CIB1: variants seen among roughly 807,000 people sequenced by gnomAD.
CIB1 encodes calcium and integrin-binding protein 1.
In CIB1, 19 loss-of-function variants were observed where a neutral mutation model predicts 25.0. The ratio of observed to expected loss-of-function variants is 0.76; its 90% CI spans 0.53 to 1.12. CIB1 has a LOEUF of 1.12. CIB1 is among the 50% of genes most tolerant of loss of function. The pLI is 0.00. For synonymous variants in CIB1, 104 were observed against 98.5 expected, an observed-to-expected ratio of 1.06 and a Z score of -0.33; for missense variants, 236 against 242.6, an observed-to-expected ratio of 0.97 and a Z score of 0.18.
chr15:90,251,519 C>A, the CIB1 span: 11 of 1,599,158 alleles, frequency 6.9e-6, no homozygotes, highest in South Asian at 1.1e-5. Flanking sequence ...CCTTCCCTCC[C>A]ACTCTTCCTG....
the CIB1 span, chr15:90,261,902 G>T: frequency 1.0e-6 from 1 of 994,366 alleles, no homozygotes; most frequent in Non-Finnish European, 1.4e-6. Flanking sequence ...GGCCCAGGAG[G>T]TCAAGAAGCC....
At chr15:90,258,081 A>G in the CIB1 span, 5 of 1,614,230 alleles carry the variant, frequency 3.1e-6, no homozygotes, top group African/African-American at 1.3e-5. Context: ...GCACAGCTAC[A>G]ACCCTGGAGA....
chr15:90,257,882 C>T, the CIB1 span: 1 of 936,892 alleles, frequency 1.1e-6, no homozygotes. Context: ...TAAGTGCAGC[C>T]CCAAACCTCA....
the CIB1 span, chr15:90,263,410 G>T: frequency 4.1e-6 from 2 of 488,554 alleles, no homozygotes; most frequent in African/African-American, 1.9e-5. Context: ...CTATATTCCT[G>T]TCCCAAAATA....
At chr15:90,261,870 C>G in the CIB1 span, 2,669 of 650,706 alleles carry the variant, frequency 4.1e-3, 16 homozygotes, top group Middle Eastern at 0.015. Context: ...ATGGGCTTGG[C>G]AGCTTTCCCT....
At chr15:90,255,675 C>T in the CIB1 span, 1 of 1,596,312 alleles carries the variant, frequency 6.3e-7, no homozygotes, top group Admixed American at 1.7e-5. Flanking sequence ...TCCCAATCCT[C>T]CTCCACTGCT....
intron 4 of CIB1, 32 bp from the exon 5 acceptor site, chr15:90,231,245 CGGTT>C (rs1567068595): frequency 1.2e-6 from 2 of 1,612,060 alleles, no homozygotes; most frequent in African/African-American, 1.3e-5. Context: ...CCAAAAGACA[CGGTT>C]GGGAGGGGCT....
chr15:90,231,419 A>G lies in CIB1; in HGVS notation c.284T>C (p.Leu95Pro), dbSNP rs766485187. 41 of 1,614,196 alleles carry G rather than the reference A, an allele frequency of 2.5e-5. No individual in the cohort carries two copies. The highest frequency in any genetic ancestry group is 3.5e-5 in the Non-Finnish European group (41 of 1,180,030). Residue 95 changes from leucine to proline, a missense_variant, in exon 4 of 7, where the codon CTC (leucine) becomes CCC (proline). Physicochemically the swap from Leu to Pro is moderately conservative, Grantham distance 98. Coordinates refer to ENST00000328649, the MANE Select transcript of CIB1 (RefSeq NM_006384.4). ...SLSFEDFLDLLSVFSDTATPD... is the reference protein window; with the variant it reads ...SLSFEDFLDLPSVFSDTATPD... ...CGTGGCTGTGTCACTGAACACACTG[A>G]GGAGATCCAGGAAGTCCTCAAAGCT...
upstream of CIB1, among the ~76,000 whole-genome samples, chr15:90,236,941 C>T (rs1596175929): frequency 2.0e-5 from 3 of 151,728 alleles, no homozygotes; most frequent in South Asian, 6.2e-4. Flanking sequence ...AACCGAGCTG[C>T]TGATATACTT....
the CIB1 span, chr15:90,253,383 C>A: frequency 8.8e-6 from 14 of 1,595,358 alleles, no homozygotes; most frequent in South Asian, 1.1e-5. Context: ...CATCTCCTGA[C>A]CTGAGAGCCG....
chr15:90,240,098 C>G, the CIB1 span, among the ~76,000 whole-genome samples: 8 of 148,550 alleles, frequency 5.4e-5, no homozygotes, highest in Non-Finnish European at 1.2e-4. Flanking sequence ...TGGCACATTC[C>G]TATAATCCCA....
Position 90,233,777 on chromosome 15 carries a change from C to T in CIB1, c.51+58G>A, listed in dbSNP as rs149611369. 9 of 1,551,550 alleles carry T rather than the reference C, an allele frequency of 5.8e-6. No individual in the cohort carries two copies. The African/African-American group carries it at 1.1e-4, about 19-fold the overall frequency. ...GGCCGCCCCGCAGCCAGCTCCCGGA[C>T]CCTGCTCCCGAGAAGAGGCCCGCAC... On this transcript the variant is annotated intron_variant, in intron 1 of 6. Transcript: ENST00000328649.
the CIB1 span, among the ~76,000 whole-genome samples, chr15:90,248,972 G>A: frequency 2.0e-5 from 3 of 152,048 alleles, no homozygotes; most frequent in Non-Finnish European, 4.4e-5. Context: ...GTCCACCAGA[G>A]GCAAAGCCTT....
At chr15:90,255,088 G>C in the CIB1 span, among the ~76,000 whole-genome samples, 12 of 152,190 alleles carry the variant, frequency 7.9e-5, no homozygotes, top group African/African-American at 2.7e-4. Context: ...TACTCTTTGT[G>C]GCTGTCCCCC....
chr15:90,264,629 T>C, the CIB1 span: 1 of 1,422,934 alleles, frequency 7.0e-7, no homozygotes, highest in Non-Finnish European at 9.4e-7. Flanking sequence ...ATGCCCTTCC[T>C]CTGTGTTGGT....
the CIB1 span, chr15:90,256,398 C>G: frequency 1.3e-4 from 192 of 1,441,010 alleles, no homozygotes; most frequent in African/African-American, 2.5e-3. Flanking sequence ...AGGCTTCTAC[C>G]CTTCCCACTA....
Position 90,232,273 on chromosome 15 carries a change from C to T in CIB1, c.141G>A (p.Ser47=), listed in dbSNP as rs777931485. Residue 47 remains serine (S), a synonymous_variant, in exon 3 of 7, where the codon TCG becomes TCA. Coordinates refer to ENST00000328649, the MANE Select transcript of CIB1 (RefSeq NM_006384.4). ...CGAAGGGCACTTGTGCCCGAAGTGA[C>T]GACTCCACGCTCCGCTGCTCCTGGG... ...LLPQEQRSVE[S]SLRAQVPFEQ... 5.0e-6 allele frequency: 8 copies of T among 1,612,498 alleles called. No homozygotes were observed. The highest frequency in any genetic ancestry group is 2.2e-5 in the South Asian group (2 of 90,874).
At chr15:90,241,526 C>T in the CIB1 span, 2 of 1,613,618 alleles carry the variant, frequency 1.2e-6, no homozygotes, top group African/African-American at 1.3e-5. Context: ...TCGGCTTCAA[C>T]AGCCTGGGAG....
chr15:90,253,635 C>T, the CIB1 span, among the ~76,000 whole-genome samples: 43,938 of 151,872 alleles, frequency 0.29, 7,176 homozygotes, highest in East Asian at 0.69. Context: ...GTAGCTGGCC[C>T]TCTCCAGGGT....
Sources: gnomAD v4.1 joint callset for allele counts (sites outside exome capture counted in the v4.1 genomes callset) on GRCh38, gnomAD v4.1.1 for gene constraint, MANE v1.5 for transcripts, NCBI Gene and HGNC (gene_info 2026-07-23, HGNC 2026-07-21) for gene names.